Variants in TRIM36 observed in about 807,000 individuals in gnomAD.
TRIM36 encodes E3 ubiquitin-protein ligase TRIM36.
A neutral mutation model predicts 72.4 loss-of-function variants in TRIM36; 42 were observed. The observed-to-expected ratio is 0.58, with a 90% confidence interval of 0.45 to 0.75. TRIM36 has a LOEUF of 0.75. Ranked by LOEUF, TRIM36 falls within the 30% of genes least tolerant of loss-of-function variation. The probability of loss-of-function intolerance (pLI) is 0.00; values close to 1 mark genes in which losing one functional copy is unlikely to be tolerated. For synonymous variants in TRIM36, 315 were observed against 282.8 expected (o/e 1.11, Z -1.14); for missense variants, 913 against 857.1 (o/e 1.07, Z -0.81).
At chr5:115,169,317 A>G (rs1220082714) in intron 1 of TRIM36, among the ~76,000 whole-genome samples, 2 of 152,216 alleles carry the variant, frequency 1.3e-5, no homozygotes, top group African/African-American at 4.8e-5. Context: ...GAGCTCCATT[A>G]GAGAGACCCT....
intron 2 of TRIM36, among the ~76,000 whole-genome samples, chr5:115,150,145 C>G (rs1753811895): frequency 6.6e-6 from 1 of 152,020 alleles, no homozygotes; most frequent in Non-Finnish European, 1.5e-5. Context: ...TAAAAACAAA[C>G]AGTAGATGTT....
At chr5:115,166,354 A>T (rs1002692381) in intron 1 of TRIM36, among the ~76,000 whole-genome samples, 4 of 152,166 alleles carry the variant, frequency 2.6e-5, no homozygotes, top group Non-Finnish European at 4.4e-5. Flanking sequence ...GCCTGCAGGT[A>T]AGAGCTACCC....
upstream of TRIM36, among the ~76,000 whole-genome samples, chr5:115,170,311 G>T (rs1755044624): frequency 6.6e-6 from 1 of 152,312 alleles, no homozygotes; most frequent in South Asian, 2.1e-4. Flanking sequence ...CTGGCCCCTG[G>T]CCCTGCGCTG....
chr5:115,180,135 CT>C, exon 1 of TRIM36: 1 of 1,216,496 alleles, frequency 8.2e-7, no homozygotes. Context: ...TTTTGCCGAG[CT>C]CCCCGCCCAT....
chr5:115,150,267 T>C (rs541789773), intron 2 of TRIM36, among the ~76,000 whole-genome samples: 33 of 152,326 alleles, frequency 2.2e-4, no homozygotes, highest in Admixed American at 1.7e-3. Flanking sequence ...CTTTCTACTT[T>C]CCATGGCTGT....
chr5:115,146,488 C>A (rs915176786), intron 3 of TRIM36, among the ~76,000 whole-genome samples: 1 of 152,072 alleles, frequency 6.6e-6, no homozygotes, highest in Non-Finnish European at 1.5e-5. Flanking sequence ...CACAGCAGGG[C>A]AAACAATACA....
At chr5:115,135,272 C>T (rs1006838384) in intron 7 of TRIM36, among the ~76,000 whole-genome samples, 9 of 152,064 alleles carry the variant, frequency 5.9e-5, no homozygotes, top group South Asian at 2.1e-4. Flanking sequence ...GAATAAGAAG[C>T]AGAAGTCTCT....
Position 115,137,530 on chromosome 5 carries a change from C to T in TRIM36, c.918G>A (p.Leu306=), listed in dbSNP as rs1487153366. ...EVLEERKSSV[L]KAIDSSKKLR... ...GTTTCTTAGAGGAGTCAATTGCTTT[C>T]AAAACAGATGATTTCCTCTCTTCCA... The change falls in exon 6 of 10, where the codon TTG becomes TTA. Residue 306 remains leucine (L), a synonymous_variant. Coordinates refer to ENST00000513154, the MANE Select transcript of TRIM36 (RefSeq NM_001300759.2). 1 of 1,613,936 alleles carries T rather than the reference C, an allele frequency of 6.2e-7. No individual in the cohort carries two copies. Among genetic ancestry groups the T allele is most frequent in the Non-Finnish European group, 8.5e-7 (1 of 1,180,006 alleles).
upstream of TRIM36, among the ~76,000 whole-genome samples, chr5:115,173,899 T>C (rs372703464): frequency 2.6e-5 from 4 of 152,182 alleles, no homozygotes; most frequent in African/African-American, 9.7e-5. Flanking sequence ...CATTGTGATA[T>C]CTACTTTTCT....
At chr5:115,141,209 A>C in intron 5 of TRIM36, 70 bp downstream of exon 5, 2 of 1,159,088 alleles carry the variant, frequency 1.7e-6, no homozygotes, top group Non-Finnish European at 2.5e-6. Flanking sequence ...TCAGGATTTT[A>C]TGAACAAATG....
intron 2 of TRIM36, chr5:115,148,380 C>T (rs1270085914): frequency 1.0e-6 from 1 of 974,990 alleles, no homozygotes; most frequent in African/African-American, 1.8e-5. Context: ...ACGACAGGTG[C>T]ATGCATATCA....
chr5:115,156,149 G>C (rs1464447841), intron 2 of TRIM36, among the ~76,000 whole-genome samples: 1 of 152,010 alleles, frequency 6.6e-6, no homozygotes, highest in East Asian at 1.9e-4. Context: ...AAACACTGCT[G>C]AAAGAAATCA....
rs61745684 is a variant in TRIM36, at chr5:115,144,616, A to G, written c.717T>C (p.Ser239=). 6,123 of 1,613,776 alleles carry G rather than the reference A, an allele frequency of 3.8e-3. 187 individuals are homozygous for G. In the African/African-American group the frequency reaches 0.072, roughly 19 times the overall value. ...GTCCTACCTTTAAGGTTTTGTAGGC[A>G]CTGCTCATAGTGGTTACACGGTGGT... is the stretch of plus-strand genomic sequence containing the variant. ...HANHRVTTMS[S]AYKTLKEKLS... The change falls in exon 4 of 10, where the codon AGT becomes AGC. Residue 239 remains serine, a synonymous_variant. Coordinates refer to ENST00000513154, the MANE Select transcript of TRIM36 (RefSeq NM_001300759.2).
In TRIM36 at chr5:115,169,670, C is replaced by A. The variant is rs1359944189; in HGVS notation, c.-36G>T. The A allele has an allele frequency of 1.3e-6, 2 of 1,516,658 alleles. No homozygotes were observed. Among genetic ancestry groups the A allele is most frequent in the Non-Finnish European group, 1.8e-6 (2 of 1,136,906 alleles). 94.0% of individuals were successfully genotyped at this position (1,516,658 alleles called of 1,614,324 possible). Reference sequence around the variant, plus strand: ...TGCCAGGTGTCATCAGCGGCACGTTCCACTCACACCGGCTACCGAGCGCAG... The same window carrying A: ...TGCCAGGTGTCATCAGCGGCACGTTACACTCACACCGGCTACCGAGCGCAG... On this transcript the variant is annotated 5_prime_UTR_variant, in exon 1 of 10. Transcript: ENST00000513154.
chr5:115,180,158 C>A, exon 1 of TRIM36: 1 of 989,860 alleles, frequency 1.0e-6, no homozygotes, highest in South Asian at 1.6e-5. Context: ...AGCTGTTAAC[C>A]AGGAAAAGAG....
chr5:115,130,980 G>C, intron 8 of TRIM36, 91 bp from the exon 9 acceptor site: 1 of 1,414,048 alleles, frequency 7.1e-7, no homozygotes, highest in African/African-American at 1.4e-5. Flanking sequence ...AATTACTGAA[G>C]AGAGACAGGA....
chr5:115,130,052 C>A (rs1222883086), intron 9 of TRIM36, among the ~76,000 whole-genome samples: 1 of 152,146 alleles, frequency 6.6e-6, no homozygotes, highest in Non-Finnish European at 1.5e-5. Flanking sequence ...ATACTGTTCA[C>A]ATGAGTGGTC....
At chr5:115,154,464 G>C (rs757458848) in intron 2 of TRIM36, among the ~76,000 whole-genome samples, 1 of 151,844 alleles carries the variant, frequency 6.6e-6, no homozygotes, top group Non-Finnish European at 1.5e-5. Flanking sequence ...TAAGAAGAGA[G>C]AAAATCCAAA....
At chr5:115,146,352 G>C (rs1753593940) in intron 3 of TRIM36, among the ~76,000 whole-genome samples, 2 of 152,090 alleles carry the variant, frequency 1.3e-5, no homozygotes, top group African/African-American at 4.8e-5. Flanking sequence ...AATGCAAGTA[G>C]ATTTTCATAC....
Sources: allele counts gnomAD v4.1 joint callset (sites outside exome capture counted in the v4.1 genomes callset), GRCh38; gene constraint gnomAD v4.1.1; transcripts MANE v1.5; gene names NCBI Gene and HGNC (gene_info 2026-07-23, HGNC 2026-07-21).